The following CCSER1 variants were observed in gnomAD, a reference collection of about 807,000 sequenced individuals.
CCSER1 encodes the protein coiled-coil serine rich protein 1.
A neutral mutation model predicts 82.0 loss-of-function variants in CCSER1; 41 were observed. The observed-to-expected ratio is 0.50, with a 90% CI of 0.39 to 0.65. The LOEUF is 0.65. Among genes scored for constraint, CCSER1 ranks in the 30% least tolerant of loss-of-function variants. The pLI, the probability that CCSER1 is intolerant of heterozygous loss-of-function variation, is 0.00. For missense variants in CCSER1, 1,119 were observed against 1,064.2 expected, an observed-to-expected ratio of 1.05 and a Z score of -0.72; for synonymous variants, 414 against 383.9, an observed-to-expected ratio of 1.08 and a Z score of -0.92.
Position 90,837,270 on chromosome 4 carries a change from AAAAC to A in CCSER1, c.2094+21429_2094+21432del, listed in dbSNP as rs201438384. Reference sequence around the variant, plus strand: ...TATATCTTTTTAACAAAGTTAACAAAAAACAAAATATATGGGCACTAAGAGGCAC... The same window carrying A: ...TATATCTTTTTAACAAAGTTAACAAAAAAATATATGGGCACTAAGAGGCAC... On this transcript the variant is annotated intron_variant, in intron 8 of 10. Transcript: ENST00000509176. 4.5e-4 allele frequency among the ~76,000 whole-genome samples: 69 copies of A among 152,318 alleles called. 1 individual carries two copies. In the East Asian group the frequency reaches 0.011, roughly 25 times the overall value.
At chr4:90,454,442 C>T (rs1761916492) in intron 4 of CCSER1, among the ~76,000 whole-genome samples, 1 of 151,912 alleles carries the variant, frequency 6.6e-6, no homozygotes, top group Non-Finnish European at 1.5e-5. Flanking sequence ...TTACCAAGAC[C>T]CCTTTTAGCA....
chr4:90,391,444 GTATATATATATATATATA>G (rs770320334), intron 3 of CCSER1, among the ~76,000 whole-genome samples: 489 of 37,462 alleles, frequency 0.013, 14 homozygotes, highest in African/African-American at 0.043. Flanking sequence ...ATATATGGGG[GTATATATATATATATATA>G]TATATATATA....
chr4:91,530,328 T>G (rs1760959380), intron 10 of CCSER1, among the ~76,000 whole-genome samples: 1 of 151,776 alleles, frequency 6.6e-6, no homozygotes, highest in Admixed American at 6.6e-5. Flanking sequence ...ATAAACAATT[T>G]ATGAATATTA....
intron 10 of CCSER1, among the ~76,000 whole-genome samples, chr4:91,165,827 A>G (rs1731990124): frequency 6.6e-6 from 1 of 152,208 alleles, no homozygotes; most frequent in South Asian, 2.1e-4. Flanking sequence ...TGTTCCAGAT[A>G]TCATCTGTCA....
intron 9 of CCSER1, among the ~76,000 whole-genome samples, chr4:90,996,828 T>A (rs1737535843): frequency 1.3e-5 from 2 of 152,214 alleles, no homozygotes; most frequent in Non-Finnish European, 2.9e-5. Flanking sequence ...AAGTTGATTG[T>A]ATAAATAGTG....
At chr4:91,164,120 G>T (rs1476813592) in intron 10 of CCSER1, among the ~76,000 whole-genome samples, 1 of 152,092 alleles carries the variant, frequency 6.6e-6, no homozygotes, top group African/African-American at 2.4e-5. Context: ...TGTAAGGCAG[G>T]CCTGGTGGTG....
chr4:90,897,332 T>G (rs1048406824), intron 8 of CCSER1, among the ~76,000 whole-genome samples: 9 of 151,962 alleles, frequency 5.9e-5, no homozygotes, highest in African/African-American at 1.9e-4. Flanking sequence ...ATTTCCATCT[T>G]TATATCCATG....
intron 10 of CCSER1, among the ~76,000 whole-genome samples, chr4:91,268,947 G>A (rs927600515): frequency 9.2e-5 from 14 of 152,204 alleles, no homozygotes; most frequent in Admixed American, 6.5e-4. Flanking sequence ...CTTGGGCTCA[G>A]AGGCCTGACA....
chr4:90,520,879 C>A, intron 5 of CCSER1, among the ~76,000 whole-genome samples: 1 of 152,026 alleles, frequency 6.6e-6, no homozygotes, highest in East Asian at 1.9e-4. Flanking sequence ...TTGAGGTCAG[C>A]CTGGACAACG....
intron 1 of CCSER1, among the ~76,000 whole-genome samples, chr4:90,151,568 C>T (rs1342862049): frequency 1.3e-5 from 2 of 151,894 alleles, no homozygotes; most frequent in African/African-American, 4.8e-5. Flanking sequence ...GCTTTTAAAT[C>T]TTAAAAATCT....
At chr4:90,989,931 T>C (rs1736883694) in intron 9 of CCSER1, among the ~76,000 whole-genome samples, 1 of 151,798 alleles carries the variant, frequency 6.6e-6, no homozygotes, top group Non-Finnish European at 1.5e-5. Flanking sequence ...AGAAATTATA[T>C]GGTTCTAGCA....
At chr4:90,928,257 A>G (rs1207583698) in intron 9 of CCSER1, among the ~76,000 whole-genome samples, 7 of 152,062 alleles carry the variant, frequency 4.6e-5, no homozygotes, top group Admixed American at 4.6e-4. Flanking sequence ...TTAGATAAGA[A>G]CATTGTTTAA....
chr4:90,374,551 A>G (rs1054556011), intron 3 of CCSER1, among the ~76,000 whole-genome samples: 8 of 152,142 alleles, frequency 5.3e-5, no homozygotes, highest in African/African-American at 1.2e-4. Flanking sequence ...CATTCTGAAT[A>G]TATATTAGAA....
At chr4:90,974,461 AG>A (rs1349383583) in intron 9 of CCSER1, among the ~76,000 whole-genome samples, 1 of 151,414 alleles carries the variant, frequency 6.6e-6, no homozygotes, top group African/African-American at 2.4e-5. Flanking sequence ...TTGAAAAAAA[AG>A]AAAAAGGCTT....
chr4:91,541,709 G>A (rs529281015), intron 10 of CCSER1, among the ~76,000 whole-genome samples: 147 of 152,222 alleles, frequency 9.7e-4, no homozygotes, highest in African/African-American at 3.1e-3. Flanking sequence ...TGTCTTTATA[G>A]CAGCATGATT....
intron 6 of CCSER1, among the ~76,000 whole-genome samples, chr4:90,705,043 G>A (rs757245589): frequency 6.6e-6 from 1 of 152,156 alleles, no homozygotes. Flanking sequence ...GAGGGAGAGA[G>A]GTGCTTTGAT....
intron 9 of CCSER1, among the ~76,000 whole-genome samples, chr4:91,053,231 A>G (rs1309678205): frequency 6.6e-6 from 1 of 152,272 alleles, no homozygotes; most frequent in African/African-American, 2.4e-5. Flanking sequence ...CAAAATTTCT[A>G]TATACACCTG....
chr4:91,219,917 T>C (rs1581792545), intron 10 of CCSER1, among the ~76,000 whole-genome samples: 1 of 152,266 alleles, frequency 6.6e-6, no homozygotes, highest in East Asian at 1.9e-4. Flanking sequence ...CTATGTAGAG[T>C]ATTTCCCATA....
chr4:91,578,638 A>G (rs895376838), intron 10 of CCSER1, among the ~76,000 whole-genome samples: 1 of 152,018 alleles, frequency 6.6e-6, no homozygotes, highest in Admixed American at 6.6e-5. Context: ...ATGATAGAAT[A>G]GCTTTTCTTT....
Sources: allele counts gnomAD v4.1 joint callset (sites outside exome capture counted in the v4.1 genomes callset), GRCh38; gene constraint gnomAD v4.1.1; transcripts MANE v1.5; gene names NCBI Gene and HGNC (gene_info 2026-07-23, HGNC 2026-07-21).